The following TBL1XR1 variants were observed in gnomAD, a reference collection of about 807,000 sequenced individuals.
TBL1XR1 encodes the protein F-box-like/WD repeat-containing protein TBL1XR1.
A neutral mutation model predicts 66.9 loss-of-function variants in TBL1XR1; 5 were observed. The observed-to-expected ratio is 0.07, with a 90% CI of 0.04 to 0.16. The LOEUF (loss-of-function observed/expected upper bound fraction) is 0.16. Among genes scored for constraint, TBL1XR1 ranks in the 10% least tolerant of loss-of-function variants. The pLI is 1.00. For missense variants in TBL1XR1, 238 were observed against 623.2 expected, an observed-to-expected ratio of 0.38 and a Z score of 6.58; for synonymous variants, 210 against 206.0, an observed-to-expected ratio of 1.02 and a Z score of -0.17.
intron 1 of TBL1XR1, among the ~76,000 whole-genome samples, chr3:177,172,992 G>A (rs1041570142): frequency 8.5e-5 from 13 of 152,140 alleles, no homozygotes; most frequent in Middle Eastern, 3.4e-3. Context: ...GAACAACAAG[G>A]AGAAACCTCG....
intron 1 of TBL1XR1, among the ~76,000 whole-genome samples, chr3:177,195,873 G>C (rs558826966): frequency 6.6e-6 from 1 of 152,062 alleles, no homozygotes; most frequent in Non-Finnish European, 1.5e-5. Context: ...AAATCACATA[G>C]GTACTAAAAC....
Position 177,128,258 on chromosome 3 carries a change from CTG to C in TBL1XR1, c.-121-29719_-121-29718del, listed in dbSNP as rs951708790. 4.1e-4 allele frequency among the ~76,000 whole-genome samples: 63 copies of C among 152,254 alleles called. 1 individual carries two copies. Among genetic ancestry groups the C allele is most frequent in the African/African-American group, 1.4e-3 (59 of 41,552 alleles). On this transcript the variant is annotated intron_variant, in intron 1 of 15. Coordinates refer to ENST00000457928, the MANE Select transcript of TBL1XR1 (RefSeq NM_024665.7). ...AAAAAAAAATCATTCTTTTAGTACA[CTG>C]TAATTTAAAACATTAGAACCGATGT...
intron 13 of TBL1XR1, among the ~76,000 whole-genome samples, chr3:177,033,577 T>C (rs1191823157): frequency 2.0e-5 from 3 of 152,076 alleles, no homozygotes; most frequent in Non-Finnish European, 4.4e-5. Context: ...TTAATCAGTA[T>C]TTGGTATCAG....
At chr3:177,152,434 C>G (rs1250537076) in intron 1 of TBL1XR1, among the ~76,000 whole-genome samples, 1 of 151,942 alleles carries the variant, frequency 6.6e-6, no homozygotes, top group Admixed American at 6.6e-5. Flanking sequence ...TTACAGGCAC[C>G]CACCACCACG....
intron 1 of TBL1XR1, among the ~76,000 whole-genome samples, chr3:177,190,875 T>C (rs1196972295): frequency 6.6e-6 from 1 of 152,156 alleles, no homozygotes; most frequent in Admixed American, 6.6e-5. Context: ...AAAAGGTCCA[T>C]CCGTTCAAGA....
chr3:177,169,964 C>T (rs1174723446), intron 1 of TBL1XR1, among the ~76,000 whole-genome samples: 1 of 152,138 alleles, frequency 6.6e-6, no homozygotes, highest in African/African-American at 2.4e-5. Context: ...TAGCCTAGGA[C>T]CTGCTGAATC....
At chr3:177,063,892 A>T (rs780813225) in intron 3 of TBL1XR1, among the ~76,000 whole-genome samples, 8 of 152,264 alleles carry the variant, frequency 5.3e-5, no homozygotes, top group Non-Finnish European at 1.0e-4. Flanking sequence ...TACCCCCAAA[A>T]AATGCTCAGC....
chr3:177,167,241 C>T (rs1055530018), intron 1 of TBL1XR1, among the ~76,000 whole-genome samples: 1 of 151,662 alleles, frequency 6.6e-6, no homozygotes, highest in South Asian at 2.1e-4. Flanking sequence ...AGAAGTCAAT[C>T]TAAAAAGGCT....
At chr3:177,175,411 T>C (rs921300419) in intron 1 of TBL1XR1, among the ~76,000 whole-genome samples, 6 of 152,218 alleles carry the variant, frequency 3.9e-5, no homozygotes, top group Non-Finnish European at 7.3e-5. Context: ...ACAAGTTTAA[T>C]GAATAAAATA....
upstream of TBL1XR1, among the ~76,000 whole-genome samples, chr3:177,197,563 C>CGCGGCG (rs550182398): frequency 6.6e-4 from 95 of 144,364 alleles, no homozygotes; most frequent in Middle Eastern, 3.6e-3. Flanking sequence ...TCGCGAGGCC[C>CGCGGCG]GCGGCGGCGG....
intron 1 of TBL1XR1, among the ~76,000 whole-genome samples, chr3:177,179,268 T>G (rs903278438): frequency 6.6e-6 from 1 of 152,192 alleles, no homozygotes; most frequent in Non-Finnish European, 1.5e-5. Context: ...ATGGCTTGTT[T>G]CATTCAGCTC....
chr3:177,128,954 ACT>A (rs1727970080), intron 1 of TBL1XR1, among the ~76,000 whole-genome samples: 1 of 151,746 alleles, frequency 6.6e-6, no homozygotes, highest in Admixed American at 6.6e-5. Context: ...TTCTCGCAAC[ACT>A]CTCCCCATCA....
At chr3:177,038,544 C>T (rs1213622862) in intron 10 of TBL1XR1, 110 bp from the exon 11 acceptor site, 1 of 1,054,606 alleles carries the variant, frequency 9.5e-7, no homozygotes, top group Admixed American at 3.5e-5. Flanking sequence ...GGCACTTAAA[C>T]ATTTTACTTT....
At chr3:177,072,148 C>T (rs1399429928) in intron 2 of TBL1XR1, among the ~76,000 whole-genome samples, 4 of 152,196 alleles carry the variant, frequency 2.6e-5, no homozygotes, top group Non-Finnish European at 5.9e-5. Context: ...ATGTACTTCA[C>T]TGTTAAGGCT....
At position 177,020,047 on chromosome 3, in the gene TBL1XR1, A is replaced by C. The variant is rs1712154819; in HGVS notation, c.*5451T>G. The C allele has an allele frequency of 6.6e-6, 1 of 151,352 alleles. No individual in the cohort carries two copies. Among genetic ancestry groups the C allele is most frequent in the Admixed American group, 6.6e-5 (1 of 15,198 alleles). 9.4% of individuals were successfully genotyped at this position (151,352 alleles called of 1,614,324 possible). A position where few individuals can be genotyped will look rare whatever the true frequency, so the allele number is the denominator to read the frequency against. ...TTTAAAAAGTCTCTAACTCTAAAGGAGTTGGTATTAATTAAAACTAGAAGG... is the reference window on the plus strand; with the variant it reads ...TTTAAAAAGTCTCTAACTCTAAAGGCGTTGGTATTAATTAAAACTAGAAGG... On this transcript the variant is annotated 3_prime_UTR_variant, in exon 16 of 16. Coordinates refer to ENST00000457928, the MANE Select transcript of TBL1XR1 (RefSeq NM_024665.7).
intron 2 of TBL1XR1, among the ~76,000 whole-genome samples, chr3:177,094,206 C>G (rs778473420): frequency 6.6e-5 from 10 of 151,608 alleles, no homozygotes; most frequent in Admixed American, 6.6e-4. Context: ...TACAAATGAC[C>G]AACAAACATG....
chr3:177,111,647 A>C (rs1229370110), intron 1 of TBL1XR1, among the ~76,000 whole-genome samples: 3 of 152,044 alleles, frequency 2.0e-5, no homozygotes, highest in Non-Finnish European at 4.4e-5. Flanking sequence ...CAGGGCACCC[A>C]ATCCACGAAG....
chr3:177,040,072 G>A (rs544263233), intron 10 of TBL1XR1, among the ~76,000 whole-genome samples: 29 of 152,244 alleles, frequency 1.9e-4, no homozygotes, highest in Non-Finnish European at 4.0e-4. Context: ...GTGACTCAGC[G>A]CTTTGGTAGC....
intron 1 of TBL1XR1, among the ~76,000 whole-genome samples, chr3:177,150,708 G>A (rs1410160955): frequency 6.6e-6 from 1 of 152,204 alleles, no homozygotes; most frequent in Non-Finnish European, 1.5e-5. Context: ...GGAAAAATAT[G>A]TCCTGTGTAG....
Sources: gnomAD v4.1 joint callset for allele counts (sites outside exome capture counted in the v4.1 genomes callset) on GRCh38, gnomAD v4.1.1 for gene constraint, MANE v1.5 for transcripts, NCBI Gene and HGNC (gene_info 2026-07-23, HGNC 2026-07-21) for gene names.